Variants in OCSTAMP observed in about 807,000 individuals in gnomAD.
OCSTAMP encodes the protein osteoclast stimulatory transmembrane protein.
Under a neutral mutation model 25.2 loss-of-function variants are expected in OCSTAMP, and 17 were observed. That is an observed-to-expected ratio of 0.68 (90% CI 0.46 to 1.01). The LOEUF is 1.01. Ranked by LOEUF, OCSTAMP falls within the 50% of genes least tolerant of loss-of-function variation. The pLI, the probability that OCSTAMP is intolerant of heterozygous loss-of-function variation, is 0.00. For missense variants in OCSTAMP, 664 were observed against 694.6 expected, an observed-to-expected ratio of 0.96 and a Z score of 0.50; for synonymous variants, 345 against 318.9, an observed-to-expected ratio of 1.08 and a Z score of -0.87.
At chr20:46,543,232 TTTTC>T (rs3086626) in intron 2 of OCSTAMP, among the ~76,000 whole-genome samples, 22,131 of 147,696 alleles carry the variant, frequency 0.15, 2,247 homozygotes, top group African/African-American at 0.28. Flanking sequence ...CTTCCTTTCT[TTTTC>T]TTTCTTTCTT....
At chr20:46,542,055 G>A in intron 2 of OCSTAMP, 128 bp from the exon 3 acceptor site, 1 of 1,319,002 alleles carries the variant, frequency 7.6e-7, no homozygotes, top group Non-Finnish European at 9.7e-7. Flanking sequence ...CCGTTTCCCA[G>A]GGTTTGAGGA....
intron 1 of OCSTAMP, among the ~76,000 whole-genome samples, chr20:46,547,603 G>A (rs1010861186): frequency 3.3e-5 from 5 of 152,238 alleles, no homozygotes; most frequent in African/African-American, 1.2e-4. Context: ...CAAGAATGAT[G>A]AGGACTGAGC....
At position 46,543,397 on chromosome 20, in the gene OCSTAMP, C is replaced by T. The variant is rs150101322; in HGVS notation, c.1048-1470G>A. Among the ~76,000 whole-genome samples the T allele has an allele frequency of 1.7e-4, 25 of 145,572 alleles. No homozygotes were observed. In the East Asian group the frequency reaches 5.1e-3, roughly 30 times the overall value. On this transcript the variant is annotated intron_variant, in intron 2 of 2. Coordinates refer to ENST00000279028, the MANE Select transcript of OCSTAMP (RefSeq NM_080721.3). ...AGGTTGGAGTGCAGTGGAGCAATCT[C>T]AATTCACTGCAAACTTTGCCTCCCA...
intron 2 of OCSTAMP, among the ~76,000 whole-genome samples, chr20:46,543,342 CTT>C (rs59744231): frequency 8.4e-5 from 9 of 106,884 alleles, no homozygotes; most frequent in Admixed American, 1.0e-4. Context: ...TCGTTTCTTC[CTT>C]TTTTTTTTTT....
intron 1 of OCSTAMP, among the ~76,000 whole-genome samples, chr20:46,547,488 C>A (rs2061856843): frequency 6.6e-6 from 1 of 152,130 alleles, no homozygotes; most frequent in Non-Finnish European, 1.5e-5. Context: ...TAAGGAGGAA[C>A]CAGCAAAAGA....
chr20:46,550,103 T>A (rs530509662), intron 1 of OCSTAMP, among the ~76,000 whole-genome samples: 1 of 152,250 alleles, frequency 6.6e-6, no homozygotes, highest in Non-Finnish European at 1.5e-5. Flanking sequence ...AACACCCCCT[T>A]CTACTATATA....
chr20:46,549,386 T>A (rs746141236), intron 1 of OCSTAMP, among the ~76,000 whole-genome samples: 24 of 152,186 alleles, frequency 1.6e-4, no homozygotes, highest in Non-Finnish European at 2.2e-4. Flanking sequence ...ATGAATTAAG[T>A]CCTGGTCCCA....
In OCSTAMP at chr20:46,546,922, T is replaced by C. The variant is rs568201186; in HGVS notation, c.45-593A>G. Reference sequence around the variant, plus strand: ...TCAAGCAACGACTTTGTGTTAACCATTGGAGAAACAGGAATGAAAAAAACA... The same window carrying C: ...TCAAGCAACGACTTTGTGTTAACCACTGGAGAAACAGGAATGAAAAAAACA... On this transcript the variant is annotated intron_variant, in intron 1 of 2. Transcript: ENST00000279028. Among the ~76,000 whole-genome samples the C allele has an allele frequency of 2.0e-5, 3 of 152,230 alleles. No individual in the cohort carries two copies. The East Asian group carries it at 5.8e-4, about 29-fold the overall frequency.
In OCSTAMP at chr20:46,545,968, G is replaced by A. The variant is rs964755757; in HGVS notation, c.406C>T (p.Pro136Ser). Residue 136 changes from proline (P) to serine (S), a missense_variant, in exon 2 of 3, where the codon CCC (proline) becomes TCC (serine). Pro to Ser is a moderately conservative substitution (Grantham distance 74). Transcript: ENST00000279028. ...STATLAIAVVPNVLANVGAAG... is the reference protein window; with the variant it reads ...STATLAIAVVSNVLANVGAAG... ...GCACCCACGTTGGCCAGGACGTTGGGCACCACAGCAATGGCCAGGGTGGCA... is the reference window on the plus strand; with the variant it reads ...GCACCCACGTTGGCCAGGACGTTGGACACCACAGCAATGGCCAGGGTGGCA... 4.5e-6 allele frequency: 7 copies of A among 1,551,312 alleles called. No individual in the cohort carries two copies. Among genetic ancestry groups the A allele is most frequent in the African/African-American group, 4.1e-5 (3 of 73,070 alleles).
chr20:46,542,231 A>G (rs550672127), intron 2 of OCSTAMP, among the ~76,000 whole-genome samples: 4 of 152,316 alleles, frequency 2.6e-5, no homozygotes, highest in East Asian at 3.9e-4. Context: ...TAGATGTCCT[A>G]TTCCATCCAA....
rs1483214945 is a variant in OCSTAMP, at chr20:46,541,530, A to G, written c.1445T>C (p.Ile482Thr). The G allele has an allele frequency of 2.6e-6, 4 of 1,551,648 alleles. No homozygotes were observed. Among genetic ancestry groups the G allele is most frequent in the South Asian group, 1.2e-5 (1 of 84,054 alleles). The change falls in exon 3 of 3, where the codon ATA becomes ACA. Residue 482 changes from isoleucine to threonine, a missense_variant. By Grantham distance (89) the Ile-to-Thr change is moderately conservative. Coordinates refer to ENST00000279028, the MANE Select transcript of OCSTAMP (RefSeq NM_080721.3). ...PRPACKPPAW[I>T]DYRLDALRTE... ...TCTTAAGGCATCCAGCCTGTAGTCT[A>G]TCCATGCCGGAGGCTTGCAGGCAGG...
At chr20:46,546,585 G>T (rs2061853919) in intron 1 of OCSTAMP, among the ~76,000 whole-genome samples, 1 of 152,256 alleles carries the variant, frequency 6.6e-6, no homozygotes, top group South Asian at 2.1e-4. Flanking sequence ...CTGAGGATGT[G>T]AGGATGAAAG....
chr20:46,545,957 C>T lies in OCSTAMP; in HGVS notation c.417G>A (p.Leu139=). Residue 139 remains leucine (L), a synonymous_variant, in exon 2 of 3, where the codon CTG becomes CTA. Transcript: ENST00000279028. ...CCTGCCCGGCCGCACCCACGTTGGC[C>T]AGGACGTTGGGCACCACAGCAATGG... The part of the protein sequence containing the change: ...TLAIAVVPNV[L]ANVGAAGQVL... The T allele has an allele frequency of 6.4e-7, 1 of 1,551,398 alleles. No homozygotes were observed. Among genetic ancestry groups the T allele is most frequent in the Non-Finnish European group, 8.7e-7 (1 of 1,146,996 alleles).
rs563600765 is a variant in OCSTAMP, at chr20:46,542,760, A to T, written c.1048-833T>A. ...GAGGCAGGGAAGAAAGAAGTTCACC[A>T]TTTGAACTTTGGAACCAACCTGGGT... On this transcript the variant is annotated intron_variant, in intron 2 of 2. Coordinates refer to ENST00000279028, the MANE Select transcript of OCSTAMP (RefSeq NM_080721.3). Among the ~76,000 whole-genome samples the T allele has an allele frequency of 2.6e-4, 39 of 152,252 alleles. 1 individual carries two copies. Among genetic ancestry groups the T allele is most frequent in the African/African-American group, 9.4e-4 (39 of 41,536 alleles).
intron 1 of OCSTAMP, 71 bp from the exon 2 acceptor site, chr20:46,546,400 C>A: frequency 3.1e-6 from 4 of 1,291,542 alleles, no homozygotes; most frequent in Non-Finnish European, 4.3e-6. Context: ...ACTGCCCCTG[C>A]CCCACATACC....
At chr20:46,546,459 G>A in intron 1 of OCSTAMP, 130 bp from the exon 2 acceptor site, 1 of 755,296 alleles carries the variant, frequency 1.3e-6, no homozygotes, top group Non-Finnish European at 2.1e-6. Flanking sequence ...TACCCAGGTG[G>A]ACCAATCAGA....
chr20:46,545,639 G>A lies in OCSTAMP; in HGVS notation c.735C>T (p.Leu245=), dbSNP rs377761971. 6.4e-7 allele frequency: 1 copy of A among 1,551,730 alleles called. No homozygotes were observed. ...LGLLVESAWY[L]HCYLTDLRFD... ...ACCGCAGGTCTGTCAGGTAGCAATG[G>A]AGGTACCATGCCGACTCCACCAGGA... Residue 245 remains leucine, a synonymous_variant, in exon 2 of 3, where the codon CTC becomes CTT. Transcript: ENST00000279028.
rs182471578 is a variant in OCSTAMP, at chr20:46,541,250, C to G, written c.*24G>C. 4.2e-5 allele frequency: 30 copies of G among 712,196 alleles called. No individual in the cohort carries two copies. The East Asian group carries it at 7.8e-4, about 19-fold the overall frequency. 44.1% of individuals were successfully genotyped at this position (712,196 alleles called of 1,614,324 possible). ...GAGCTCTCTCTGCACTCCTTGTCTT[C>G]GCCTTTGCATGGTTCTTTACCGGTT... On this transcript the variant is annotated 3_prime_UTR_variant, in exon 3 of 3. Transcript: ENST00000279028.
chr20:46,543,249 T>TTTCC (rs1442998366), intron 2 of OCSTAMP, among the ~76,000 whole-genome samples: 7 of 151,424 alleles, frequency 4.6e-5, no homozygotes, highest in African/African-American at 1.2e-4. Flanking sequence ...TCTTTCTTTC[T>TTTCC]TTCTTTCCTT....
Sources: allele counts gnomAD v4.1 joint callset (sites outside exome capture counted in the v4.1 genomes callset), GRCh38; gene constraint gnomAD v4.1.1; transcripts MANE v1.5; gene names NCBI Gene and HGNC (gene_info 2026-07-23, HGNC 2026-07-21).